ZBTB5: variants seen among roughly 807,000 people sequenced by gnomAD.
ZBTB5 encodes zinc finger and BTB domain-containing protein 5.
A neutral mutation model predicts 37.9 loss-of-function variants in ZBTB5; 15 were observed. That is an observed-to-expected ratio of 0.40 (90% CI 0.26 to 0.61). The LOEUF is 0.61. ZBTB5 is among the 20% of genes least tolerant of loss of function. The probability of loss-of-function intolerance (pLI) is 0.47; values close to 1 mark genes in which losing one functional copy is unlikely to be tolerated. For missense variants in ZBTB5, 708 were observed against 856.8 expected (o/e 0.83, Z 2.17); for synonymous variants, 315 against 312.4 (o/e 1.01, Z -0.09).
At chr9:37,455,602 C>T in intron 1 of ZBTB5, among the ~76,000 whole-genome samples, 1 of 152,222 alleles carries the variant, frequency 6.6e-6, no homozygotes, top group Middle Eastern at 3.2e-3. Flanking sequence ...CTTGCCCCAG[C>T]TCCTGCCCCT....
chr9:37,460,604 G>A (rs755545951), intron 1 of ZBTB5, among the ~76,000 whole-genome samples: 44 of 152,118 alleles, frequency 2.9e-4, no homozygotes, highest in Non-Finnish European at 3.1e-4. Flanking sequence ...GGTGGCTCAC[G>A]CCTATAATCT....
At chr9:37,454,553 A>T (rs1482291275) in intron 1 of ZBTB5, among the ~76,000 whole-genome samples, 1 of 152,248 alleles carries the variant, frequency 6.6e-6, no homozygotes, top group Non-Finnish European at 1.5e-5. Context: ...AACTAAATAT[A>T]ATTAAGAAAA....
At chr9:37,449,937 T>C (rs1222332554) in intron 1 of ZBTB5, among the ~76,000 whole-genome samples, 1 of 152,072 alleles carries the variant, frequency 6.6e-6, no homozygotes, top group Non-Finnish European at 1.5e-5. Context: ...TTCAGCAATG[T>C]GTACGGTAAG....
intron 1 of ZBTB5, among the ~76,000 whole-genome samples, chr9:37,455,140 C>T (rs1824164303): frequency 1.3e-5 from 2 of 152,162 alleles, no homozygotes; most frequent in African/African-American, 4.8e-5. Flanking sequence ...CATATAAACC[C>T]CAAACCCCAG....
Position 37,442,436 on chromosome 9 carries a change from C to T in ZBTB5, c.116G>A (p.Arg39His), listed in dbSNP as rs1823904209. 1 of 1,614,066 alleles carries T rather than the reference C, an allele frequency of 6.2e-7. No individual in the cohort carries two copies. Among genetic ancestry groups the T allele is most frequent in the East Asian group, 2.2e-5 (1 of 44,886 alleles). Residue 39 changes from arginine to histidine, a missense_variant, in exon 2 of 2, where the codon CGC (arginine) becomes CAC (histidine). This residue lies in a region of ZBTB5 where 27 missense variants were observed against 58.4 expected (regional missense o/e 0.46). Transcript: ENST00000307750. ...CGTGCTGCATGCTGCCAGCACGGAG[C>T]GGTGGGCTTTAAAGTGTCTATTCCC... ...VVGNRHFKAHRSVLAACSTHF... is the reference protein window; with the variant it reads ...VVGNRHFKAHHSVLAACSTHF...
intron 1 of ZBTB5, among the ~76,000 whole-genome samples, chr9:37,451,038 G>C (rs1174433939): frequency 1.3e-5 from 2 of 151,926 alleles, no homozygotes; most frequent in African/African-American, 4.8e-5. Context: ...AAAATAGCCG[G>C]GTGTGGTGAT....
chr9:37,450,413 T>C (rs541476825), intron 1 of ZBTB5, among the ~76,000 whole-genome samples: 1 of 152,310 alleles, frequency 6.6e-6, no homozygotes, highest in East Asian at 1.9e-4. Flanking sequence ...TGGACTATAC[T>C]TTGCGAATTG....
At chr9:37,455,267 CAG>C (rs971319816) in intron 1 of ZBTB5, among the ~76,000 whole-genome samples, 65 of 152,260 alleles carry the variant, frequency 4.3e-4, no homozygotes, top group African/African-American at 1.4e-3. Context: ...TGGGGATGGT[CAG>C]AGAGATCGGC....
In ZBTB5 at chr9:37,442,187, C is replaced by T. The variant is rs892817030; in HGVS notation, c.365G>A (p.Arg122Lys). Residue 122 changes from arginine (R) to lysine (K), a missense_variant, in exon 2 of 2, where the codon AGG becomes AAG. Physicochemically the swap from Arg to Lys is conservative, Grantham distance 26. This residue lies in a region of ZBTB5 where 639 missense variants were observed against 690.5 expected (regional missense o/e 0.93). Transcript: ENST00000307750. Reference protein sequence around the residue: ...VKACKHYLTTRTLPMSPPSER... With the variant: ...VKACKHYLTTKTLPMSPPSER... Reference sequence around the variant, plus strand: ...ACTGGGGGGAGACATGGGCAGCGTCCTTGTCGTTAAGTAATGTTTACATGC... The same window carrying T: ...ACTGGGGGGAGACATGGGCAGCGTCTTTGTCGTTAAGTAATGTTTACATGC... 9 of 1,614,254 alleles carry T rather than the reference C, an allele frequency of 5.6e-6. No individual in the cohort carries two copies. Among genetic ancestry groups the T allele is most frequent in the Non-Finnish European group, 7.6e-6 (9 of 1,180,048 alleles).
At position 37,441,786 on chromosome 9, in the gene ZBTB5, T is replaced by G. The variant is rs766153586; in HGVS notation, c.766A>C (p.Ser256Arg). 6.2e-7 allele frequency: 1 copy of G among 1,614,082 alleles called. No homozygotes were observed. The highest frequency in any genetic ancestry group is 1.1e-5 in the South Asian group (1 of 91,074). ...ADGMTDNQEDSAIMFDQSFGT... is the reference protein window; with the variant it reads ...ADGMTDNQEDRAIMFDQSFGT... ...AAAGACTGATCAAACATGATCGCACTATCTTCCTGGTTATCAGTCATTCCA... is the reference window on the plus strand; with the variant it reads ...AAAGACTGATCAAACATGATCGCACGATCTTCCTGGTTATCAGTCATTCCA... Residue 256 changes from serine (S) to arginine (R), a missense_variant, in exon 2 of 2, where the codon AGT becomes CGT. Coordinates refer to ENST00000307750, the MANE Select transcript of ZBTB5 (RefSeq NM_014872.3).
chr9:37,441,817 T>A lies in ZBTB5; in HGVS notation c.735A>T (p.Lys245Asn). The A allele has an allele frequency of 6.2e-7, 1 of 1,614,104 alleles. No individual in the cohort carries two copies. Among genetic ancestry groups the A allele is most frequent in the Non-Finnish European group, 8.5e-7 (1 of 1,180,018 alleles). ...CCTGGTTATCAGTCATTCCATCAGC[T>A]TTAGGATTATCCACAATTTTCAGAG... ...PDSLKIVDNPKADGMTDNQED... is the reference protein window; with the variant it reads ...PDSLKIVDNPNADGMTDNQED... The change falls in exon 2 of 2, where the codon AAA becomes AAT. Residue 245 changes from lysine to asparagine, a missense_variant. Physicochemically the swap from Lys to Asn is moderately conservative, Grantham distance 94. Around this residue, in one of 3 missense-constraint regions of ZBTB5, gnomAD observed 639 missense variants for 690.5 expected, o/e 0.93. Transcript: ENST00000307750.
At chr9:37,458,565 T>C (rs1018217970) in intron 1 of ZBTB5, among the ~76,000 whole-genome samples, 6 of 152,248 alleles carry the variant, frequency 3.9e-5, no homozygotes, top group Non-Finnish European at 7.3e-5. Context: ...TTAGTACTAC[T>C]TATTGCCAAT....
chr9:37,461,864 T>C (rs919046570), intron 1 of ZBTB5, among the ~76,000 whole-genome samples: 4 of 152,170 alleles, frequency 2.6e-5, no homozygotes, highest in African/African-American at 9.7e-5. Flanking sequence ...AAATGAACAT[T>C]TTATTTGTTA....
Position 37,440,714 on chromosome 9 carries a change from T to G in ZBTB5, c.1838A>C (p.Tyr613Ser). Residue 613 changes from tyrosine (Y) to serine (S), a missense_variant, in exon 2 of 2, where the codon TAT becomes TCT. Physicochemically the swap from Tyr to Ser is moderately radical, Grantham distance 144 (BLOSUM62 -2). This residue lies in a region of ZBTB5 where 42 missense variants were observed against 107.9 expected (regional missense o/e 0.39). Transcript: ENST00000307750. ...AGTTTTGCAGCAGATTTTGCAGGCA[T>G]ACTTGCGAGCTCCCTCTACAACCAA... The part of the protein sequence containing the change: ...NVLVVEGARK[Y>S]ACKICCKTFL... 1 of 1,614,278 alleles carries G rather than the reference T, an allele frequency of 6.2e-7. No individual in the cohort carries two copies. The highest frequency in any genetic ancestry group is 8.5e-7 in the Non-Finnish European group (1 of 1,180,058).
chr9:37,443,951 C>T (rs372334796), intron 1 of ZBTB5, among the ~76,000 whole-genome samples: 7 of 151,370 alleles, frequency 4.6e-5, no homozygotes, highest in African/African-American at 7.3e-5. Flanking sequence ...AGCATGGTGG[C>T]GTGCACCTGT....
In ZBTB5 at chr9:37,441,932, G is replaced by T. The variant is rs745451636; in HGVS notation, c.620C>A (p.Pro207His). ...AEERARQRLR[P>H]SIDESAISDV... Reference sequence around the variant, plus strand: ...TGAAATGGCAGACTCATCTATGGAGGGTCGGAGGCGCTGCCTGGCCCGCTC... The same window carrying T: ...TGAAATGGCAGACTCATCTATGGAGTGTCGGAGGCGCTGCCTGGCCCGCTC... The change falls in exon 2 of 2, where the codon CCC (proline) becomes CAC (histidine). Residue 207 changes from proline to histidine, a missense_variant. Physicochemically the swap from Pro to His is moderately conservative, Grantham distance 77 (BLOSUM62 -2). Transcript: ENST00000307750. 6 of 1,613,964 alleles carry T rather than the reference G, an allele frequency of 3.7e-6. No individual in the cohort carries two copies. The African/African-American group carries it at 8.0e-5, about 22-fold the overall frequency.
At chr9:37,445,154 AT>A (rs1190109117) in intron 1 of ZBTB5, among the ~76,000 whole-genome samples, 1 of 152,162 alleles carries the variant, frequency 6.6e-6, no homozygotes. Flanking sequence ...CGTAGACAAT[AT>A]TTACACAGTC....
intron 1 of ZBTB5, among the ~76,000 whole-genome samples, chr9:37,461,822 A>G (rs769717054): frequency 6.6e-6 from 1 of 152,194 alleles, no homozygotes; most frequent in African/African-American, 2.4e-5. Context: ...CAAAAAGTAG[A>G]CCTATCACTT....
intron 1 of ZBTB5, among the ~76,000 whole-genome samples, chr9:37,464,643 A>C (rs1315863235): frequency 1.3e-5 from 2 of 152,216 alleles, no homozygotes; most frequent in African/African-American, 4.8e-5. Context: ...CGCATCCCCC[A>C]CAGCTCCTCG....
Sources: gnomAD v4.1 joint callset for allele counts (sites outside exome capture counted in the v4.1 genomes callset) on GRCh38, gnomAD v4.1.1 for gene constraint, gnomAD v4.1.1 regional missense constraint, MANE v1.5 for transcripts, NCBI Gene and HGNC (gene_info 2026-07-23, HGNC 2026-07-21) for gene names.